Variants in SKAP2 observed in about 807,000 individuals in gnomAD.
SKAP2 encodes src kinase-associated phosphoprotein 2.
In SKAP2, 28 loss-of-function variants were observed where a neutral mutation model predicts 54.9. That is an observed-to-expected ratio of 0.51 (90% CI 0.38 to 0.70). The LOEUF (loss-of-function observed/expected upper bound fraction) is 0.70. SKAP2 is among the 30% of genes least tolerant of loss of function. The pLI is 0.00. For synonymous variants in SKAP2, 137 were observed against 134.3 expected (o/e 1.02, Z -0.14); for missense variants, 356 against 424.1 (o/e 0.84, Z 1.41).
At chr7:26,684,127 G>A (rs1786575587) in intron 11 of SKAP2, among the ~76,000 whole-genome samples, 1 of 152,026 alleles carries the variant, frequency 6.6e-6, no homozygotes, top group Non-Finnish European at 1.5e-5. Flanking sequence ...TTAAGAAGCA[G>A]ACACAAGAAT....
At chr7:26,852,863 C>T (rs1562636440) in intron 3 of SKAP2, among the ~76,000 whole-genome samples, 1 of 152,106 alleles carries the variant, frequency 6.6e-6, no homozygotes, top group Non-Finnish European at 1.5e-5. Flanking sequence ...GAGGCAGAAT[C>T]TGATATCTAA....
At chr7:26,716,080 A>G (rs1787427815) in intron 9 of SKAP2, among the ~76,000 whole-genome samples, 1 of 152,198 alleles carries the variant, frequency 6.6e-6, no homozygotes, top group Non-Finnish European at 1.5e-5. Context: ...GTCAATTTCT[A>G]TGATTATTCT....
chr7:26,839,350 A>C (rs1360038350), intron 4 of SKAP2, among the ~76,000 whole-genome samples: 1 of 152,134 alleles, frequency 6.6e-6, no homozygotes, highest in African/African-American at 2.4e-5. Context: ...TGCTATACAC[A>C]TAGCACAATG....
At chr7:26,770,823 T>C (rs1783173936) in intron 4 of SKAP2, among the ~76,000 whole-genome samples, 1 of 152,186 alleles carries the variant, frequency 6.6e-6, no homozygotes, top group Admixed American at 6.5e-5. Flanking sequence ...AGCTGGGTAC[T>C]TCAGTTGGAA....
At chr7:26,823,061 G>A (rs1784413357) in intron 4 of SKAP2, among the ~76,000 whole-genome samples, 1 of 152,132 alleles carries the variant, frequency 6.6e-6, no homozygotes. Context: ...CAGCCAAGTT[G>A]TGAATGCAAA....
At chr7:26,704,812 C>A (rs1013834020) in intron 9 of SKAP2, among the ~76,000 whole-genome samples, 1 of 152,126 alleles carries the variant, frequency 6.6e-6, no homozygotes, top group Non-Finnish European at 1.5e-5. Context: ...CTTCAAAGTA[C>A]GTAAGAATAA....
intron 9 of SKAP2, among the ~76,000 whole-genome samples, chr7:26,717,001 C>T (rs1787461022): frequency 6.6e-6 from 1 of 152,188 alleles, no homozygotes; most frequent in Non-Finnish European, 1.5e-5. Context: ...GTGTATTCTC[C>T]ATCTTTCCTG....
At chr7:26,704,705 A>G (rs1338477472) in intron 9 of SKAP2, among the ~76,000 whole-genome samples, 1 of 152,208 alleles carries the variant, frequency 6.6e-6, no homozygotes, top group African/African-American at 2.4e-5. Flanking sequence ...AAAAGAAGCA[A>G]GGTAGAACCT....
intron 4 of SKAP2, among the ~76,000 whole-genome samples, chr7:26,787,248 G>A (rs982103346): frequency 1.3e-5 from 2 of 151,916 alleles, no homozygotes; most frequent in African/African-American, 2.4e-5. Context: ...AAGAGGTTTC[G>A]TTGGCTTACG....
intron 1 of SKAP2, 88 bp from the exon 2 acceptor site, chr7:26,854,978 ATAAG>A: frequency 1.2e-6 from 1 of 846,114 alleles, no homozygotes; most frequent in Non-Finnish European, 1.8e-6. Context: ...GTTTCTACAT[ATAAG>A]TGTTAATACC....
At chr7:26,812,448 T>A (rs1173074269) in intron 4 of SKAP2, among the ~76,000 whole-genome samples, 1 of 152,068 alleles carries the variant, frequency 6.6e-6, no homozygotes. Context: ...AATTCTCATA[T>A]CTGTTCTAAA....
chr7:26,737,719 A>T (rs1787972960), intron 6 of SKAP2, among the ~76,000 whole-genome samples: 1 of 152,048 alleles, frequency 6.6e-6, no homozygotes, highest in African/African-American at 2.4e-5. Flanking sequence ...ATAATATTCA[A>T]CTCCTAGCCT....
intron 3 of SKAP2, among the ~76,000 whole-genome samples, chr7:26,846,917 G>C (rs529053219): frequency 2.6e-5 from 4 of 152,258 alleles, no homozygotes; most frequent in African/African-American, 9.6e-5. Context: ...GGGAGGCGGT[G>C]AGCCAAGATC....
At chr7:26,666,200 A>G (rs974861578), downstream of SKAP2, among the ~76,000 whole-genome samples, 4 of 152,172 alleles carry the variant, frequency 2.6e-5, no homozygotes, top group African/African-American at 9.6e-5. Flanking sequence ...AATGAAATAC[A>G]AATGACTGAT....
chr7:26,749,859 A>G (rs1782644062), intron 4 of SKAP2, among the ~76,000 whole-genome samples: 1 of 151,822 alleles, frequency 6.6e-6, no homozygotes, highest in Admixed American at 6.6e-5. Flanking sequence ...TCCATACTAT[A>G]AGCTTAAATA....
intron 10 of SKAP2, among the ~76,000 whole-genome samples, chr7:26,689,414 T>C (rs2127939613): frequency 6.6e-6 from 1 of 152,314 alleles, no homozygotes; most frequent in South Asian, 2.1e-4. Context: ...ACAGATATGG[T>C]TTATCTCCTG....
chr7:26,787,730 C>T (rs2127980410), intron 4 of SKAP2, among the ~76,000 whole-genome samples: 1 of 152,274 alleles, frequency 6.6e-6, no homozygotes, highest in Middle Eastern at 3.4e-3. Flanking sequence ...TTATAAACAA[C>T]TAGATCTCAC....
Position 26,746,490 on chromosome 7 carries a change from T to C in SKAP2, c.308-6526A>G, listed in dbSNP as rs1048616707. On this transcript the variant is annotated intron_variant, in intron 4 of 12. Coordinates refer to ENST00000345317, the MANE Select transcript of SKAP2 (RefSeq NM_003930.5). ...GAGAGAAACCTACACTTAACTTGGA[T>C]ATAAATATTAAATAAAATATTTTAG... 3.9e-5 allele frequency: 6 copies of C among 152,256 alleles called. 1 individual carries two copies. Among genetic ancestry groups the C allele is most frequent in the East Asian group, 1.9e-4 (1 of 5,178 alleles). 9.4% of individuals were successfully genotyped at this position (152,256 alleles called of 1,614,324 possible).
chr7:26,845,124 G>GGCT (rs1399633487), intron 3 of SKAP2, among the ~76,000 whole-genome samples: 1 of 151,954 alleles, frequency 6.6e-6, no homozygotes, highest in Non-Finnish European at 1.5e-5. Flanking sequence ...GCCACCTCAG[G>GGCT]GATTACCCTT....
Sources: allele counts gnomAD v4.1 joint callset (sites outside exome capture counted in the v4.1 genomes callset), GRCh38; gene constraint gnomAD v4.1.1; transcripts MANE v1.5; gene names NCBI Gene and HGNC (gene_info 2026-07-23, HGNC 2026-07-21).